Variants in DOCK3 observed in about 807,000 individuals in gnomAD.
DOCK3 encodes dedicator of cytokinesis protein 3.
In DOCK3, 60 loss-of-function variants were observed where a neutral mutation model predicts 265.6. That is an observed-to-expected ratio of 0.23 (90% CI 0.18 to 0.28). DOCK3 has a LOEUF of 0.28. DOCK3 is among the 10% of genes least tolerant of loss of function. DOCK3 has a pLI of 1.00. For missense variants in DOCK3, 1,981 were observed against 2,594.3 expected (o/e 0.76, Z 5.14); for synonymous variants, 881 against 938.0 (o/e 0.94, Z 1.11).
chr3:51,328,851 A>G (rs1014826075), intron 32 of DOCK3, among the ~76,000 whole-genome samples: 1 of 152,100 alleles, frequency 6.6e-6, no homozygotes, highest in Non-Finnish European at 1.5e-5. Flanking sequence ...ACAGTACCAC[A>G]GTTTAAAGGT....
chr3:50,949,983 A>G (rs1208485808), intron 5 of DOCK3, among the ~76,000 whole-genome samples: 2 of 150,922 alleles, frequency 1.3e-5, no homozygotes, highest in African/African-American at 4.9e-5. Context: ...TTATAAGGTT[A>G]GATACTTAGC....
At chr3:51,123,809 G>A (rs2084144959) in intron 9 of DOCK3, among the ~76,000 whole-genome samples, 1 of 152,182 alleles carries the variant, frequency 6.6e-6, no homozygotes, top group Non-Finnish European at 1.5e-5. Context: ...CACACAGACA[G>A]TCTAGGCATA....
chr3:51,116,189 T>C (rs904816220), intron 9 of DOCK3, among the ~76,000 whole-genome samples: 2 of 152,118 alleles, frequency 1.3e-5, no homozygotes, highest in African/African-American at 4.8e-5. Flanking sequence ...TGGTGGCTCA[T>C]GCCTGTAATC....
At position 50,886,184 on chromosome 3, in the gene DOCK3, GGA is replaced by G. The variant is rs1434445765; in HGVS notation, c.163-3839_163-3838del. Among the ~76,000 whole-genome samples the G allele has an allele frequency of 8.5e-5, 10 of 117,868 alleles. No homozygotes were observed. In the East Asian group the frequency reaches 9.3e-4, roughly 11 times the overall value. The allele number at this position is 117,868 out of a possible 152,430, so 77.3% of individuals were successfully genotyped here. On this transcript the variant is annotated intron_variant, in intron 3 of 52. Transcript: ENST00000266037. Reference sequence around the variant, plus strand: ...CGCCTTTCAGAATATTTTTTATTTTGGAGATATATATATATATATATATATTC... The same window carrying G: ...CGCCTTTCAGAATATTTTTTATTTTGGATATATATATATATATATATATTC...
At chr3:50,724,697 T>C (rs1338424649) in intron 1 of DOCK3, among the ~76,000 whole-genome samples, 1 of 143,228 alleles carries the variant, frequency 7.0e-6, no homozygotes, top group African/African-American at 2.6e-5. Flanking sequence ...GGGATGGGGG[T>C]CTGGGGGAGG....
chr3:50,872,757 A>T (rs1347739836), intron 3 of DOCK3, among the ~76,000 whole-genome samples: 1 of 152,152 alleles, frequency 6.6e-6, no homozygotes. Flanking sequence ...ACCACAAGAC[A>T]CCATCCTTCC....
intron 21 of DOCK3, 26 bp from the exon 22 acceptor site, chr3:51,246,700 G>A (rs747426634): frequency 1.9e-6 from 3 of 1,604,980 alleles, no homozygotes; most frequent in Non-Finnish European, 2.6e-6. Context: ...TTAAAGTGGG[G>A]TTTCTGGAAC....
At chr3:50,785,505 G>T (rs2042135015) in intron 2 of DOCK3, among the ~76,000 whole-genome samples, 1 of 152,206 alleles carries the variant, frequency 6.6e-6, no homozygotes, top group African/African-American at 2.4e-5. Context: ...CAATTTTGCT[G>T]AGGGTTTTAA....
chr3:51,354,849 C>G (rs1394196092), intron 40 of DOCK3, 33 bp from the exon 41 acceptor site: 2 of 1,605,850 alleles, frequency 1.2e-6, no homozygotes, highest in South Asian at 2.2e-5. Context: ...ACAAGCAAAG[C>G]ATACATAGAG....
chr3:51,214,913 G>A (rs917654484), intron 14 of DOCK3, among the ~76,000 whole-genome samples: 1 of 152,146 alleles, frequency 6.6e-6, no homozygotes, highest in Non-Finnish European at 1.5e-5. Context: ...CATGGGTAGG[G>A]CTGGAAAAGT....
In DOCK3 at chr3:51,070,702, C is replaced by T. The variant is rs1393489703; in HGVS notation, c.465-4654C>T. Among the ~76,000 whole-genome samples, 2 of 152,158 alleles carry T rather than the reference C, an allele frequency of 1.3e-5. 1 individual carries two copies. The highest frequency in any genetic ancestry group is 4.1e-4 in the South Asian group (2 of 4,824). On this transcript the variant is annotated intron_variant, in intron 6 of 52. Coordinates refer to ENST00000266037, the MANE Select transcript of DOCK3 (RefSeq NM_004947.5). ...TGCTCCACAAGAAATCTTAACATCT[C>T]CATCTTTTCTCAGCTGATACTGGGT...
chr3:51,229,445 C>A, intron 18 of DOCK3, 67 bp from the exon 19 acceptor site: 2 of 1,192,276 alleles, frequency 1.7e-6, no homozygotes, highest in Admixed American at 2.8e-5. Context: ...AGTGAGACTC[C>A]GTCTAAAAAA....
intron 2 of DOCK3, among the ~76,000 whole-genome samples, chr3:50,809,297 C>G (rs2043603769): frequency 6.6e-6 from 1 of 152,138 alleles, no homozygotes; most frequent in Non-Finnish European, 1.5e-5. Flanking sequence ...AACACATATC[C>G]TAGTGGCTCA....
intron 22 of DOCK3, among the ~76,000 whole-genome samples, chr3:51,248,903 G>A (rs2078989845): frequency 6.6e-6 from 1 of 151,112 alleles, no homozygotes; most frequent in South Asian, 2.1e-4. Context: ...TGGGAGGTGA[G>A]GAGCGTCTCT....
intron 22 of DOCK3, among the ~76,000 whole-genome samples, chr3:51,256,271 T>G (rs1370164486): frequency 6.6e-6 from 1 of 152,176 alleles, no homozygotes; most frequent in Non-Finnish European, 1.5e-5. Context: ...AACCTCCTCC[T>G]TGTTTTGTTT....
At chr3:51,177,939 G>A (rs540603339) in intron 12 of DOCK3, among the ~76,000 whole-genome samples, 1 of 150,406 alleles carries the variant, frequency 6.6e-6, no homozygotes, top group Non-Finnish European at 1.5e-5. Context: ...TGCAGTAGCC[G>A]AGATCATGCC....
At chr3:51,346,723 C>T (rs1218081070) in intron 38 of DOCK3, among the ~76,000 whole-genome samples, 1 of 152,200 alleles carries the variant, frequency 6.6e-6, no homozygotes, top group Non-Finnish European at 1.5e-5. Flanking sequence ...CACTGTCTTC[C>T]ACAATCATTG....
chr3:50,711,884 TTTTCTA>T (rs1363931897), intron 1 of DOCK3, among the ~76,000 whole-genome samples: 1 of 152,186 alleles, frequency 6.6e-6, no homozygotes, highest in Non-Finnish European at 1.5e-5. Context: ...CATATTCAGA[TTTTCTA>T]TTTCTTCAGT....
chr3:51,324,871 A>C (rs921176143), intron 32 of DOCK3, among the ~76,000 whole-genome samples: 6 of 152,220 alleles, frequency 3.9e-5, no homozygotes, highest in Non-Finnish European at 5.9e-5. Flanking sequence ...CATATGCAGA[A>C]AGCTGAAACT....
Sources: allele counts gnomAD v4.1 joint callset (sites outside exome capture counted in the v4.1 genomes callset), GRCh38; gene constraint gnomAD v4.1.1; transcripts MANE v1.5; gene names NCBI Gene and HGNC (gene_info 2026-07-23, HGNC 2026-07-21).